Variants in TIAM2 observed in about 807,000 individuals in gnomAD.
The protein encoded by TIAM2 is TIAM Rac1 associated GEF 2.
A neutral mutation model predicts 152.9 loss-of-function variants in TIAM2; 80 were observed. The ratio of observed to expected loss-of-function variants is 0.52; its 90% confidence interval spans 0.44 to 0.63. The LOEUF (loss-of-function observed/expected upper bound fraction) is 0.63, where lower values mean the gene tolerates loss of function less well. Among genes scored for constraint, TIAM2 ranks in the 30% least tolerant of loss-of-function variants. TIAM2 has a pLI of 0.00. For missense variants in TIAM2, 1,965 were observed against 2,120.1 expected (o/e 0.93, Z 1.44); for synonymous variants, 804 against 838.0 (o/e 0.96, Z 0.70).
intron 1 of TIAM2, among the ~76,000 whole-genome samples, chr6:155,033,811 G>A (rs556722519): frequency 4.4e-4 from 67 of 151,898 alleles, no homozygotes; most frequent in African/African-American, 1.5e-3. Context: ...CCCCCTCCCG[G>A]GTTCAAGCAA....
At chr6:155,250,610 G>A in intron 21 of TIAM2, 1 of 1,536,056 alleles carries the variant, frequency 6.5e-7, no homozygotes, top group South Asian at 1.2e-5. Context: ...CACTCTGGAA[G>A]AACCACGGAC....
intron 1 of TIAM2, among the ~76,000 whole-genome samples, chr6:155,032,777 G>A (rs1776849731): frequency 6.6e-6 from 1 of 152,172 alleles, no homozygotes; most frequent in African/African-American, 2.4e-5. Context: ...CTGACCTCAG[G>A]TGATCCGCCC....
intron 1 of TIAM2, among the ~76,000 whole-genome samples, chr6:155,035,635 A>G (rs1776909294): frequency 6.6e-6 from 1 of 152,198 alleles, no homozygotes; most frequent in Non-Finnish European, 1.5e-5. Context: ...GCAATTTGAA[A>G]TGTAACTTAG....
chr6:155,253,832 A>ACAAGAACT, intron 24 of TIAM2, 141 bp from the exon 25 acceptor site: 1 of 617,866 alleles, frequency 1.6e-6, no homozygotes, highest in Non-Finnish European at 2.8e-6. Context: ...AATCATACAT[A>ACAAGAACT]GAACAAGCCA....
chr6:155,069,643 C>T (rs1259647442), intron 1 of TIAM2, among the ~76,000 whole-genome samples: 1 of 152,076 alleles, frequency 6.6e-6, no homozygotes, highest in African/African-American at 2.4e-5. Context: ...TCATTGTATA[C>T]AGTAATTTTA....
chr6:155,118,931 A>G (rs1480696980), intron 2 of TIAM2, among the ~76,000 whole-genome samples: 2 of 150,614 alleles, frequency 1.3e-5, no homozygotes, highest in African/African-American at 4.9e-5. Context: ...TCCAGATTGC[A>G]CATTAATGAT....
intron 1 of TIAM2, among the ~76,000 whole-genome samples, chr6:155,029,724 T>C (rs1418394770): frequency 7.1e-6 from 1 of 140,980 alleles, no homozygotes; most frequent in Non-Finnish European, 1.5e-5. Context: ...CAGAGTTATA[T>C]AACTATATAG....
At chr6:155,039,859 G>A (rs1562297929) in intron 1 of TIAM2, among the ~76,000 whole-genome samples, 1 of 152,174 alleles carries the variant, frequency 6.6e-6, no homozygotes, top group Non-Finnish European at 1.5e-5. Flanking sequence ...AAAAGAGTTG[G>A]AAAAGTGTGT....
intron 1 of TIAM2, among the ~76,000 whole-genome samples, chr6:155,023,857 G>C (rs1776545457): frequency 6.6e-6 from 1 of 152,046 alleles, no homozygotes; most frequent in Admixed American, 6.6e-5. Context: ...TAATTTATCG[G>C]GTCCTTACTC....
intron 1 of TIAM2, among the ~76,000 whole-genome samples, chr6:155,037,945 TCGACC>T (rs1476686077): frequency 6.6e-6 from 1 of 152,202 alleles, no homozygotes; most frequent in Non-Finnish European, 1.5e-5. Flanking sequence ...GAGTACCTGG[TCGACC>T]CTAAGGAATT....
At chr6:155,003,937 G>T (rs938367642) in intron 1 of TIAM2, among the ~76,000 whole-genome samples, 3 of 152,218 alleles carry the variant, frequency 2.0e-5, no homozygotes, top group Non-Finnish European at 4.4e-5. Context: ...AGCCAAGATT[G>T]ACGGAGCGAG....
chr6:155,003,566 G>A lies in TIAM2; in HGVS notation c.-209+8074G>A, dbSNP rs533233719. 2.6e-5 allele frequency among the ~76,000 whole-genome samples: 4 copies of A among 152,288 alleles called. No homozygotes were observed. The South Asian group carries it at 6.2e-4, about 24-fold the overall frequency. ...AAGTCAGAGAGGTGGAAGACTCGAC[G>A]CTCCCAGCTGTGCCTCAGCTGTGGG... is the stretch of plus-strand genomic sequence containing the variant. On this transcript the variant is annotated intron_variant, in intron 1 of 26. Coordinates refer to ENST00000682666, the MANE Select transcript of TIAM2 (RefSeq NM_012454.4).
chr6:155,020,388 A>G (rs1776451106), intron 1 of TIAM2, among the ~76,000 whole-genome samples: 1 of 152,200 alleles, frequency 6.6e-6, no homozygotes, highest in Non-Finnish European at 1.5e-5. Context: ...TGCTATAAAC[A>G]TTGTCCCCCT....
chr6:155,165,037 G>A (rs1300018656), intron 8 of TIAM2, among the ~76,000 whole-genome samples: 2 of 152,168 alleles, frequency 1.3e-5, no homozygotes, highest in African/African-American at 4.8e-5. Flanking sequence ...GTCTGTAGTG[G>A]TTTTGCTGAC....
chr6:155,138,426 G>A (rs1218488999), intron 5 of TIAM2, among the ~76,000 whole-genome samples: 2 of 149,288 alleles, frequency 1.3e-5, no homozygotes, highest in African/African-American at 2.5e-5. Context: ...AACAAGTGCA[G>A]CCGTCTTTTT....
At chr6:155,118,435 C>CT (rs869154446) in intron 2 of TIAM2, among the ~76,000 whole-genome samples, 1,115 of 34,772 alleles carry the variant, frequency 0.032, 17 homozygotes, top group African/African-American at 0.081. Context: ...TTTTCTTTTT[C>CT]TTTTTTTTTT....
chr6:154,997,212 C>G (rs1303153511), intron 1 of TIAM2, among the ~76,000 whole-genome samples: 1 of 152,158 alleles, frequency 6.6e-6, no homozygotes, highest in African/African-American at 2.4e-5. Flanking sequence ...TGTCAATTAC[C>G]CACGCATTCT....
intron 14 of TIAM2, among the ~76,000 whole-genome samples, chr6:155,192,557 A>G (rs1394318076): frequency 6.6e-6 from 1 of 152,222 alleles, no homozygotes; most frequent in Non-Finnish European, 1.5e-5. Context: ...CAATGTCCAA[A>G]ATGTTTGTTT....
intron 1 of TIAM2, among the ~76,000 whole-genome samples, chr6:155,054,577 GT>G (rs951683712): frequency 2.0e-5 from 1 of 49,118 alleles, no homozygotes; most frequent in African/African-American, 1.5e-4. Flanking sequence ...GTTTTGTTTT[GT>G]TTTGTTTTGT....
Sources: gnomAD v4.1 joint callset for allele counts (sites outside exome capture counted in the v4.1 genomes callset) on GRCh38, gnomAD v4.1.1 for gene constraint, MANE v1.5 for transcripts, NCBI Gene and HGNC (gene_info 2026-07-23, HGNC 2026-07-21) for gene names.